PTPRD: variants seen among roughly 807,000 people sequenced by gnomAD.
PTPRD encodes the protein receptor-type tyrosine-protein phosphatase delta.
PTPRD carries 34 observed loss-of-function variants against 214.5 expected under a neutral mutation model. The observed-to-expected ratio is 0.16, with a 90% CI of 0.12 to 0.21. PTPRD has a LOEUF of 0.21. PTPRD is among the 10% of genes least tolerant of loss of function. PTPRD has a pLI of 1.00. For synonymous variants in PTPRD, 1,128 were observed against 845.7 expected, an observed-to-expected ratio of 1.33 and a Z score of -5.79; for missense variants, 2,545 against 2,398.7, an observed-to-expected ratio of 1.06 and a Z score of -1.27.
At chr9:9,377,179 T>C (rs1257657657) in intron 9 of PTPRD, among the ~76,000 whole-genome samples, 1 of 152,112 alleles carries the variant, frequency 6.6e-6, no homozygotes, top group Non-Finnish European at 1.5e-5. Context: ...AAACTAATCA[T>C]GTATGCAAAT....
chr9:9,976,624 G>T (rs1464614688), intron 4 of PTPRD, among the ~76,000 whole-genome samples: 12 of 132,828 alleles, frequency 9.0e-5, no homozygotes, highest in African/African-American at 3.5e-4. Flanking sequence ...CTAACCTCAG[G>T]TGATCCCCCG....
chr9:9,091,796 G>A lies in PTPRD; in HGVS notation c.-142-73061C>T, dbSNP rs530999313. Among the ~76,000 whole-genome samples the A allele has an allele frequency of 2.0e-5, 3 of 152,294 alleles. No individual in the cohort carries two copies. In the East Asian group the frequency reaches 5.8e-4, roughly 29 times the overall value. ...TGAAGAATTGAACTTTCAGGTTGGGGCAAATGGGATACTGTTTACTCTCAG... is the reference window on the plus strand; with the variant it reads ...TGAAGAATTGAACTTTCAGGTTGGGACAAATGGGATACTGTTTACTCTCAG... On this transcript the variant is annotated intron_variant, in intron 10 of 45. Transcript: ENST00000381196.
chr9:9,769,628 C>G (rs931347639), intron 5 of PTPRD, among the ~76,000 whole-genome samples: 10 of 152,060 alleles, frequency 6.6e-5, no homozygotes, highest in African/African-American at 2.4e-4. Context: ...GCCCGGCCAC[C>G]AGAAGCCCTT....
At chr9:8,491,414 A>G (rs1393506767) in intron 27 of PTPRD, among the ~76,000 whole-genome samples, 1 of 152,204 alleles carries the variant, frequency 6.6e-6, no homozygotes, top group Admixed American at 6.5e-5. Context: ...TGTCATCATA[A>G]CATGACCCCA....
Position 9,894,697 on chromosome 9 carries a change from G to A in PTPRD, c.-368+43810C>T, listed in dbSNP as rs143123788. On this transcript the variant is annotated intron_variant, in intron 5 of 45. Coordinates refer to ENST00000381196, the MANE Select transcript of PTPRD (RefSeq NM_002839.4). ...CATTTCACATATATTTGGGGGATGA[G>A]CTAAATAATATCTCTCTTTTTTATT... Among the ~76,000 whole-genome samples, 11 of 152,142 alleles carry A rather than the reference G, an allele frequency of 7.2e-5. No individual in the cohort carries two copies. The East Asian group carries it at 2.1e-3, about 29-fold the overall frequency.
At chr9:9,947,360 A>G (rs1249410186) in intron 4 of PTPRD, among the ~76,000 whole-genome samples, 4 of 58,890 alleles carry the variant, frequency 6.8e-5, no homozygotes, top group South Asian at 4.4e-4. Context: ...TATATTATAT[A>G]TATTATATAT....
chr9:9,512,903 T>A (rs1165003409), intron 8 of PTPRD, among the ~76,000 whole-genome samples: 1 of 151,422 alleles, frequency 6.6e-6, no homozygotes, highest in Non-Finnish European at 1.5e-5. Context: ...TCACGAGTAA[T>A]CATTACTAAT....
intron 3 of PTPRD, among the ~76,000 whole-genome samples, chr9:10,294,224 C>T (rs2095610235): frequency 6.6e-6 from 1 of 151,832 alleles, no homozygotes; most frequent in Non-Finnish European, 1.5e-5. Flanking sequence ...AAGAGAGATA[C>T]CAGCCAGGCT....
intron 11 of PTPRD, among the ~76,000 whole-genome samples, chr9:8,750,314 C>T (rs190940466): frequency 4.3e-4 from 66 of 151,888 alleles, no homozygotes; most frequent in African/African-American, 1.5e-3. Flanking sequence ...CGGGCCACCA[C>T]GCCCGGCTAA....
intron 11 of PTPRD, among the ~76,000 whole-genome samples, chr9:8,957,461 T>G (rs778680572): frequency 6.6e-6 from 1 of 151,812 alleles, no homozygotes; most frequent in Non-Finnish European, 1.5e-5. Context: ...TCTGTTCTGT[T>G]TTTGAAATGC....
chr9:8,728,872 C>T (rs58848956), intron 12 of PTPRD, among the ~76,000 whole-genome samples: 4 of 152,012 alleles, frequency 2.6e-5, no homozygotes, highest in Admixed American at 6.6e-5. Context: ...CCCAGCTACT[C>T]GGGAGGCTGA....
intron 11 of PTPRD, among the ~76,000 whole-genome samples, chr9:8,838,115 A>C (rs1398285544): frequency 1.3e-5 from 2 of 152,156 alleles, no homozygotes; most frequent in East Asian, 3.8e-4. Flanking sequence ...AGCATAATAA[A>C]ACTCCAATAA....
intron 11 of PTPRD, among the ~76,000 whole-genome samples, chr9:8,758,219 G>A (rs924555276): frequency 2.0e-5 from 3 of 152,156 alleles, no homozygotes; most frequent in African/African-American, 4.8e-5. Context: ...CTCAACTGCG[G>A]TTCCACAAGA....
intron 5 of PTPRD, among the ~76,000 whole-genome samples, chr9:9,918,554 A>C (rs903720304): frequency 2.6e-5 from 4 of 152,060 alleles, no homozygotes; most frequent in African/African-American, 9.7e-5. Flanking sequence ...AAAAAAAATC[A>C]TAAGATGTAA....
intron 7 of PTPRD, among the ~76,000 whole-genome samples, chr9:9,581,388 G>C (rs1384749057): frequency 6.6e-6 from 1 of 152,112 alleles, no homozygotes; most frequent in African/African-American, 2.4e-5. Flanking sequence ...TGCAAAACCA[G>C]ATAACCTTCT....
intron 19 of PTPRD, among the ~76,000 whole-genome samples, chr9:8,522,843 T>G (rs754184765): frequency 2.0e-5 from 3 of 152,162 alleles, no homozygotes; most frequent in Admixed American, 6.5e-5. Context: ...TAATAAAGAT[T>G]TTTTAAAAAT....
At chr9:10,409,745 G>T (rs1276994551) in intron 2 of PTPRD, among the ~76,000 whole-genome samples, 3 of 151,800 alleles carry the variant, frequency 2.0e-5, no homozygotes, top group Non-Finnish European at 4.4e-5. Flanking sequence ...TAGTGGAAAT[G>T]ATGTTATATT....
intron 12 of PTPRD, among the ~76,000 whole-genome samples, chr9:8,729,022 G>C (rs895035290): frequency 6.6e-6 from 1 of 152,036 alleles, no homozygotes; most frequent in Non-Finnish European, 1.5e-5. Flanking sequence ...ATAATTCCTG[G>C]TCATATCAAT....
At chr9:10,311,764 A>G (rs2096272317) in intron 3 of PTPRD, among the ~76,000 whole-genome samples, 1 of 152,042 alleles carries the variant, frequency 6.6e-6, no homozygotes, top group South Asian at 2.1e-4. Flanking sequence ...AGATCAATTT[A>G]CAATACAAAG....
Sources: allele counts gnomAD v4.1 joint callset (sites outside exome capture counted in the v4.1 genomes callset), GRCh38; gene constraint gnomAD v4.1.1; transcripts MANE v1.5; gene names NCBI Gene and HGNC (gene_info 2026-07-23, HGNC 2026-07-21).